Variants in KIF13A observed in about 807,000 individuals in gnomAD.
The protein encoded by KIF13A is kinesin family member 13A.
A neutral mutation model predicts 212.2 loss-of-function variants in KIF13A; 79 were observed. The observed-to-expected ratio is 0.37, with a 90% CI of 0.31 to 0.45. KIF13A has a LOEUF of 0.45. KIF13A is among the 20% of genes least tolerant of loss of function. The pLI, the probability that KIF13A is intolerant of heterozygous loss-of-function variation, is 1.00. For missense variants in KIF13A, 1,901 were observed against 2,209.0 expected (o/e 0.86, Z 2.79); for synonymous variants, 789 against 808.6 (o/e 0.98, Z 0.41).
chr6:17,960,860 G>A (rs1778759700), intron 2 of KIF13A, among the ~76,000 whole-genome samples: 1 of 152,202 alleles, frequency 6.6e-6, no homozygotes, highest in African/African-American at 2.4e-5. Flanking sequence ...TCATCAAGGA[G>A]TGAATTCACA....
At position 17,833,014 on chromosome 6, in the gene KIF13A, C is replaced by CAAAAAAAAAAAA. The variant is rs61281213; in HGVS notation, c.1266+935_1266+946dup. ...GGGCGACAGAGAGAGACTCTGTCTG[C>CAAAAAAAAAAAA]AAAAAAAAAAAAAAAAAAAAAAAAA... On this transcript the variant is annotated intron_variant, in intron 12 of 38. Transcript: ENST00000259711. Among the ~76,000 whole-genome samples, 12 of 75,390 alleles carry CAAAAAAAAAAAA rather than the reference C, an allele frequency of 1.6e-4. 1 individual carries two copies. The highest frequency in any genetic ancestry group is 7.4e-4 in the African/African-American group (11 of 14,796). The allele number at this position is 75,390 out of a possible 152,430, so 49.5% of individuals were successfully genotyped here. A position where few individuals can be genotyped will look rare whatever the true frequency, so the allele number is the denominator to read the frequency against.
intron 19 of KIF13A, 126 bp downstream of exon 19, chr6:17,805,349 A>G: frequency 1.2e-6 from 1 of 852,732 alleles, no homozygotes; most frequent in Non-Finnish European, 1.8e-6. Flanking sequence ...TATAATATCT[A>G]ACGTATCATG....
Position 17,809,995 on chromosome 6 carries a change from G to A in KIF13A, c.2001-1065C>T, listed in dbSNP as rs1466885634. On this transcript the variant is annotated intron_variant, in intron 17 of 38. Coordinates refer to ENST00000259711, the MANE Select transcript of KIF13A (RefSeq NM_022113.6). The surrounding 1 kb of genome is among the most constrained non-coding windows in gnomAD (Gnocchi z 4.7). ...TAATCCCAACACTTTGGGAAGCCGA[G>A]GTGGGAGGATCACTTGAGGCCAGGA... Among the ~76,000 whole-genome samples, 1 of 152,058 alleles carries A rather than the reference G, an allele frequency of 6.6e-6. No homozygotes were observed. The highest frequency in any genetic ancestry group is 1.9e-4 in the East Asian group (1 of 5,180).
intron 7 of KIF13A, among the ~76,000 whole-genome samples, chr6:17,851,166 ATCCAT>A (rs1767603879): frequency 1.3e-5 from 2 of 152,210 alleles, no homozygotes; most frequent in Admixed American, 1.3e-4. Flanking sequence ...CCAAAAAAGT[ATCCAT>A]TCATTTCAGA....
At chr6:17,953,790 G>A (rs989580525) in intron 2 of KIF13A, 1 of 182,674 alleles carries the variant, frequency 5.5e-6, no homozygotes, top group African/African-American at 2.3e-5. Flanking sequence ...GATGACGACA[G>A]GAGACTAGGG....
At chr6:17,796,008 T>C (rs1203646687) in intron 23 of KIF13A, among the ~76,000 whole-genome samples, 1 of 152,196 alleles carries the variant, frequency 6.6e-6, no homozygotes, top group Non-Finnish European at 1.5e-5. Context: ...CACATAGAGA[T>C]GTAGTTGTTT....
chr6:17,831,529 A>G (rs964913188), intron 12 of KIF13A, among the ~76,000 whole-genome samples: 11 of 149,462 alleles, frequency 7.4e-5, no homozygotes, highest in African/African-American at 2.8e-4. Context: ...GTGCTATTGA[A>G]GGGTACAAAA....
At chr6:17,896,669 A>G (rs900904118) in intron 3 of KIF13A, among the ~76,000 whole-genome samples, 1 of 152,216 alleles carries the variant, frequency 6.6e-6, no homozygotes, top group Non-Finnish European at 1.5e-5. Context: ...TATCCAGCAA[A>G]AATAAGGCTG....
chr6:17,878,079 G>A (rs1173341505), intron 3 of KIF13A, among the ~76,000 whole-genome samples: 1 of 152,176 alleles, frequency 6.6e-6, no homozygotes, highest in East Asian at 1.9e-4. Flanking sequence ...TATTATTCAT[G>A]TCCCTTATGA....
chr6:17,806,717 T>C (rs978002985), intron 18 of KIF13A, among the ~76,000 whole-genome samples: 1 of 151,964 alleles, frequency 6.6e-6, no homozygotes. Context: ...CTGCCTCTAC[T>C]AAAAATACAA....
chr6:17,959,267 G>C (rs906300319), intron 2 of KIF13A, among the ~76,000 whole-genome samples: 1 of 152,154 alleles, frequency 6.6e-6, no homozygotes, highest in Non-Finnish European at 1.5e-5. Flanking sequence ...AGAGCTTCTA[G>C]AGACAGCCTC....
At chr6:17,887,039 G>A (rs890686892) in intron 3 of KIF13A, among the ~76,000 whole-genome samples, 1 of 152,182 alleles carries the variant, frequency 6.6e-6, no homozygotes, top group Non-Finnish European at 1.5e-5. Flanking sequence ...TGCAGTGCCT[G>A]TAGTAGGAAG....
chr6:17,971,115 G>C lies in KIF13A; in HGVS notation c.146+15939C>G, dbSNP rs574326053. On this transcript the variant is annotated intron_variant, in intron 2 of 38. Coordinates refer to ENST00000259711, the MANE Select transcript of KIF13A (RefSeq NM_022113.6). The surrounding 1 kb of genome is among the most constrained non-coding windows in gnomAD (Gnocchi z 4.2). ...AACAGAGACTGGTCAATTTTTAAGG[G>C]AAAATATCCTTTAATGATTCTTAGT... Among the ~76,000 whole-genome samples the C allele has an allele frequency of 1.6e-4, 24 of 152,262 alleles. No homozygotes were observed. The South Asian group carries it at 4.8e-3, about 30-fold the overall frequency.
At chr6:17,979,004 G>C (rs1364914500) in intron 2 of KIF13A, among the ~76,000 whole-genome samples, 2 of 152,214 alleles carry the variant, frequency 1.3e-5, no homozygotes, top group African/African-American at 4.8e-5. Context: ...AAATTTTCCA[G>C]CTGGGTATGG....
intron 2 of KIF13A, among the ~76,000 whole-genome samples, chr6:17,954,853 AT>A (rs1778215895): frequency 1.3e-5 from 2 of 151,858 alleles, no homozygotes; most frequent in Admixed American, 6.6e-5. Flanking sequence ...AAGAAAAAAA[AT>A]TTTTTTAAGA....
At position 17,787,820 on chromosome 6, in the gene KIF13A, C is replaced by T. The variant is rs745411489; in HGVS notation, c.3317G>A (p.Arg1106Gln). Residue 1106 changes from arginine to glutamine, a missense_variant, in exon 27 of 39, where the codon CGA (arginine) becomes CAA (glutamine). Coordinates refer to ENST00000259711, the MANE Select transcript of KIF13A (RefSeq NM_022113.6). This position sits in a 1 kb window ranked among gnomAD's most constrained non-coding sequence, Gnocchi z 4.6. ...ERWSDALIKR[R>Q]EYLDEQIKKV... ...TTTTATCTGTTCATCCAGGTATTCT[C>T]GTCGTTTAATGAGTGCATCTGACCA... 5 of 1,613,454 alleles carry T rather than the reference C, an allele frequency of 3.1e-6. No homozygotes were observed. The highest frequency in any genetic ancestry group is 2.2e-5 in the East Asian group (1 of 44,876).
At chr6:17,779,362 C>T (rs1760315725) in intron 32 of KIF13A, among the ~76,000 whole-genome samples, 1 of 149,050 alleles carries the variant, frequency 6.7e-6, no homozygotes, top group African/African-American at 2.5e-5. Context: ...ACCTCTGCCT[C>T]CCAGGTTCAA....
In KIF13A at chr6:17,898,840, T is replaced by C. The variant is rs893647855; in HGVS notation, c.147-660A>G. Reference sequence around the variant, plus strand: ...ACTCTGAAAAGGAAATAGTTTTCTTTCTTTTTTTCTCCAGAGATGGGGTCT... The same window carrying C: ...ACTCTGAAAAGGAAATAGTTTTCTTCCTTTTTTTCTCCAGAGATGGGGTCT... On this transcript the variant is annotated intron_variant, in intron 2 of 38. Coordinates refer to ENST00000259711, the MANE Select transcript of KIF13A (RefSeq NM_022113.6). This position sits in a 1 kb window ranked among gnomAD's most constrained non-coding sequence, Gnocchi z 5.2. Among the ~76,000 whole-genome samples the C allele has an allele frequency of 5.9e-5, 9 of 152,170 alleles. No individual in the cohort carries two copies. The highest frequency in any genetic ancestry group is 1.9e-4 in the African/African-American group (8 of 41,436).
chr6:17,850,260 A>C lies in KIF13A; in HGVS notation c.717+63T>G. 1 of 1,491,284 alleles carries C rather than the reference A, an allele frequency of 6.7e-7. No homozygotes were observed. The highest frequency in any genetic ancestry group is 2.1e-5 in the Admixed American group (1 of 47,622). The allele number at this position is 1,491,284 out of a possible 1,614,324, so 92.4% of individuals were successfully genotyped here. ...ACTGAACCCAACCATGAAAGACTTTACCTATATGGACACTTTCAGTTCTTC... is the reference window on the plus strand; with the variant it reads ...ACTGAACCCAACCATGAAAGACTTTCCCTATATGGACACTTTCAGTTCTTC... On this transcript the variant is annotated intron_variant, in intron 8 of 38. Coordinates refer to ENST00000259711, the MANE Select transcript of KIF13A (RefSeq NM_022113.6). The surrounding 1 kb of genome is among the most constrained non-coding windows in gnomAD (Gnocchi z 6.2).
Sources: allele counts gnomAD v4.1 joint callset (sites outside exome capture counted in the v4.1 genomes callset), GRCh38; gene constraint gnomAD v4.1.1; non-coding constraint Gnocchi (gnomAD v3.1); transcripts MANE v1.5; gene names NCBI Gene and HGNC (gene_info 2026-07-23, HGNC 2026-07-21).